EEA1: variants seen among roughly 807,000 people sequenced by gnomAD.
EEA1 encodes the protein early endosome antigen 1.
In EEA1, 111 loss-of-function variants were observed where a neutral mutation model predicts 209.2. That is an observed-to-expected ratio of 0.53 (90% CI 0.45 to 0.62). The LOEUF is 0.62. EEA1 is among the 20% of genes least tolerant of loss of function. The pLI is 0.00. For synonymous variants in EEA1, 536 were observed against 540.6 expected (o/e 0.99, Z 0.12); for missense variants, 1,343 against 1,530.8 (o/e 0.88, Z 2.05).
chr12:92,794,129 A>G (rs1454821651), intron 21 of EEA1, among the ~76,000 whole-genome samples: 2 of 152,250 alleles, frequency 1.3e-5, no homozygotes, highest in Non-Finnish European at 2.9e-5. Context: ...ACAGGAAAAA[A>G]TGCTCATCAT....
intron 11 of EEA1, among the ~76,000 whole-genome samples, chr12:92,831,064 A>C (rs1275763189): frequency 6.6e-6 from 1 of 152,220 alleles, no homozygotes; most frequent in African/African-American, 2.4e-5. Flanking sequence ...AGCATATGTG[A>C]AGTGCTTACT....
chr12:92,832,663 C>G lies in EEA1; in HGVS notation c.1103G>C (p.Ser368Thr). 6.2e-7 allele frequency: 1 copy of G among 1,613,976 alleles called. No homozygotes were observed. Among genetic ancestry groups the G allele is most frequent in the South Asian group, 1.1e-5 (1 of 91,072 alleles). ...CTTTTGAGTAGCTTCTCCTTTTTCACTTAGTTCTACATGTATTCTATGCAG... is the reference window on the plus strand; with the variant it reads ...CTTTTGAGTAGCTTCTCCTTTTTCAGTTAGTTCTACATGTATTCTATGCAG... ...TSLHRIHVELSEKGEATQKLK... is the reference protein window; with the variant it reads ...TSLHRIHVELTEKGEATQKLK... Residue 368 changes from serine to threonine, a missense_variant, in exon 11 of 29, where the codon AGT becomes ACT. Physicochemically the swap from Ser to Thr is moderately conservative, Grantham distance 58. Around this residue, in one of 3 missense-constraint regions of EEA1, gnomAD observed 1,307 missense variants for 1,465.5 expected, o/e 0.89. Transcript: ENST00000322349.
rs765024488 is a variant in EEA1, at chr12:92,864,815, C to T, written c.245+45G>A. 8 of 1,455,324 alleles carry T rather than the reference C, an allele frequency of 5.5e-6. No individual in the cohort carries two copies. The African/African-American group carries it at 1.0e-4, about 18-fold the overall frequency. The allele number at this position is 1,455,324 out of a possible 1,614,324, so 90.2% of individuals were successfully genotyped here. ...TAATCATGATTAAACGACGATACCACATGCATATTCCATAACATTATACTT... is the reference window on the plus strand; with the variant it reads ...TAATCATGATTAAACGACGATACCATATGCATATTCCATAACATTATACTT... On this transcript the variant is annotated intron_variant, in intron 3 of 28. Coordinates refer to ENST00000322349, the MANE Select transcript of EEA1 (RefSeq NM_003566.4).
intron 2 of EEA1, among the ~76,000 whole-genome samples, chr12:92,874,143 T>C (rs1159003881): frequency 2.0e-5 from 3 of 151,132 alleles, no homozygotes; most frequent in Non-Finnish European, 3.0e-5. Flanking sequence ...CAAATTCCCA[T>C]CTCTACAAAA....
In EEA1 at chr12:92,929,270, C is replaced by CAG; in HGVS notation, c.-205_-204insCT. The CAG allele has an allele frequency of 2.2e-6, 1 of 445,406 alleles. No individual in the cohort carries two copies. The highest frequency in any genetic ancestry group is 4.4e-5 in the Admixed American group (1 of 22,556). 27.6% of individuals were successfully genotyped at this position (445,406 alleles called of 1,614,324 possible). A position where few individuals can be genotyped will look rare whatever the true frequency, so the allele number is the denominator to read the frequency against. ...GAGCACGCGAGAGAGAGCGAGCGAA[C>CAG]GACTAGGCAGCCTGCGAGCGCCTCC... On this transcript the variant is annotated 5_prime_UTR_variant, in exon 1 of 29. Transcript: ENST00000322349.
intron 9 of EEA1, among the ~76,000 whole-genome samples, chr12:92,847,349 T>C (rs1012890518): frequency 6.6e-6 from 1 of 152,224 alleles, no homozygotes; most frequent in Admixed American, 6.5e-5. Flanking sequence ...ACATCCATAA[T>C]AAAAATTGTT....
Position 92,805,411 on chromosome 12 carries a change from G to A in EEA1, c.2340-2677C>T, listed in dbSNP as rs577191591. On this transcript the variant is annotated intron_variant, in intron 18 of 28. Transcript: ENST00000322349. ...GTGAAACAACTTAATCATCAACTCT[G>A]ATGGGTTTTATTTCACCTTTCTGAA... Among the ~76,000 whole-genome samples the A allele has an allele frequency of 1.6e-4, 24 of 152,182 alleles. No homozygotes were observed. The South Asian group carries it at 2.7e-3, about 17-fold the overall frequency.
At chr12:92,825,806 A>G (rs990973900) in intron 13 of EEA1, among the ~76,000 whole-genome samples, 7 of 150,880 alleles carry the variant, frequency 4.6e-5, no homozygotes, top group African/African-American at 1.7e-4. Context: ...ATAATGAATA[A>G]ATTATTTATA....
At chr12:92,925,365 C>T (rs1439730839) in intron 1 of EEA1, among the ~76,000 whole-genome samples, 4 of 152,158 alleles carry the variant, frequency 2.6e-5, no homozygotes. Flanking sequence ...CAGGCGTGCA[C>T]CACGATGCCC....
At chr12:92,876,364 A>AT (rs1209119319) in intron 2 of EEA1, among the ~76,000 whole-genome samples, 2 of 152,144 alleles carry the variant, frequency 1.3e-5, no homozygotes, top group Non-Finnish European at 2.9e-5. Flanking sequence ...TGCCTGGCCA[A>AT]TACATGTTTA....
intron 7 of EEA1, 78 bp downstream of exon 7, chr12:92,852,834 A>G (rs1877690333): frequency 7.5e-6 from 7 of 934,564 alleles, no homozygotes; most frequent in Admixed American, 2.1e-5. Context: ...CTAAAATACT[A>G]TATTTATTGC....
intron 1 of EEA1, among the ~76,000 whole-genome samples, chr12:92,893,255 CTCATCAAAAATAT>C (rs1879734730): frequency 6.6e-6 from 1 of 152,158 alleles, no homozygotes; most frequent in African/African-American, 2.4e-5. Flanking sequence ...CTCAATAATA[CTCATCAAAAATAT>C]ATATGGTATA....
intron 22 of EEA1, among the ~76,000 whole-genome samples, chr12:92,785,823 ACT>A (rs1238875372): frequency 6.6e-6 from 1 of 151,792 alleles, no homozygotes; most frequent in African/African-American, 2.4e-5. Context: ...CAGTTGTAAA[ACT>A]CTATGGCAGC....
intron 1 of EEA1, among the ~76,000 whole-genome samples, chr12:92,907,410 G>A (rs950437505): frequency 5.3e-5 from 8 of 152,070 alleles, no homozygotes; most frequent in African/African-American, 1.9e-4. Flanking sequence ...TCAGATTATA[G>A]AACCATCACA....
intron 25 of EEA1, 87 bp from the exon 26 acceptor site, chr12:92,778,266 C>A: frequency 1.9e-6 from 2 of 1,039,146 alleles, no homozygotes; most frequent in Non-Finnish European, 2.8e-6. Context: ...AAAATACTGG[C>A]AATTTGCTTC....
Position 92,826,184 on chromosome 12 carries a change from T to C in EEA1, c.1506A>G (p.Ala502=). 3.1e-6 allele frequency: 5 copies of C among 1,613,564 alleles called. No individual in the cohort carries two copies. The highest frequency in any genetic ancestry group is 1.1e-5 in the South Asian group (1 of 91,042). The change falls in exon 13 of 29, where the codon GCA becomes GCG. Residue 502 remains alanine (A), a synonymous_variant. Coordinates refer to ENST00000322349, the MANE Select transcript of EEA1 (RefSeq NM_003566.4). ...TGTTTACCTGAGCTTCTCGAAGTTT[T>C]GCCGTGGTGCTTTGCTGAAGAGCCT... The part of the protein sequence containing the change: ...EQQALQQSTT[A]KLREAQNDLE...
chr12:92,805,153 T>C (rs958856283), intron 18 of EEA1, among the ~76,000 whole-genome samples: 1 of 152,216 alleles, frequency 6.6e-6, no homozygotes, highest in Non-Finnish European at 1.5e-5. Flanking sequence ...CTTCATGGAC[T>C]GATGCCTGCA....
intron 10 of EEA1, among the ~76,000 whole-genome samples, chr12:92,833,290 T>G (rs545591474): frequency 6.6e-6 from 1 of 152,352 alleles, no homozygotes; most frequent in African/African-American, 2.4e-5. Flanking sequence ...ACTGTTCTAA[T>G]GCACCTAACC....
intron 10 of EEA1, among the ~76,000 whole-genome samples, chr12:92,834,679 A>G (rs1259972159): frequency 6.6e-6 from 1 of 152,146 alleles, no homozygotes; most frequent in African/African-American, 2.4e-5. Context: ...CAACAAAAAC[A>G]GAAAAAAAGA....
Sources: allele counts gnomAD v4.1 joint callset (sites outside exome capture counted in the v4.1 genomes callset), GRCh38; gene constraint gnomAD v4.1.1; regional missense constraint gnomAD v4.1.1; transcripts MANE v1.5; gene names NCBI Gene and HGNC (gene_info 2026-07-23, HGNC 2026-07-21).